SLC17A6: variants seen among roughly 807,000 people sequenced by gnomAD.
The protein encoded by SLC17A6 is vesicular glutamate transporter 2.
In SLC17A6, 35 loss-of-function variants were observed where a neutral mutation model predicts 67.1. That is an observed-to-expected ratio of 0.52 (90% CI 0.40 to 0.69). SLC17A6 has a LOEUF of 0.69. Ranked by LOEUF, SLC17A6 falls within the 30% of genes least tolerant of loss-of-function variation. The probability of loss-of-function intolerance (pLI) is 0.00; values close to 1 mark genes in which losing one functional copy is unlikely to be tolerated. For synonymous variants in SLC17A6, 285 were observed against 252.3 expected (o/e 1.13, Z -1.23); for missense variants, 588 against 723.9 (o/e 0.81, Z 2.15).
chr11:22,357,570 T>G (rs1225382232), intron 3 of SLC17A6, among the ~76,000 whole-genome samples: 1 of 152,148 alleles, frequency 6.6e-6, no homozygotes, highest in African/African-American at 2.4e-5. Flanking sequence ...ACGCCCAAAT[T>G]TCAATCATGA....
intron 7 of SLC17A6, among the ~76,000 whole-genome samples, chr11:22,367,281 TAAAA>T (rs748609871): frequency 3.5e-5 from 5 of 143,186 alleles, no homozygotes; most frequent in Middle Eastern, 3.6e-3. Context: ...CATCATAGGT[TAAAA>T]AAAAAAAAAG....
At chr11:22,362,421 A>G (rs898565383) in intron 5 of SLC17A6, 1 of 394,398 alleles carries the variant, frequency 2.5e-6, no homozygotes, top group South Asian at 2.6e-5. Context: ...TAGTATTGCC[A>G]TACTCTGTCC....
chr11:22,348,620 G>C (rs1855904417), intron 3 of SLC17A6, among the ~76,000 whole-genome samples: 1 of 152,206 alleles, frequency 6.6e-6, no homozygotes, highest in South Asian at 2.1e-4. Context: ...ACTGGGTGTA[G>C]ATTAGACTTT....
chr11:22,345,907 T>C (rs2133860530), intron 3 of SLC17A6, among the ~76,000 whole-genome samples: 1 of 152,300 alleles, frequency 6.6e-6, no homozygotes, highest in South Asian at 2.1e-4. Flanking sequence ...GTACTACAAA[T>C]GCTACATAGA....
intron 7 of SLC17A6, among the ~76,000 whole-genome samples, chr11:22,369,560 G>A (rs1564986054): frequency 6.6e-6 from 1 of 151,802 alleles, no homozygotes; most frequent in Non-Finnish European, 1.5e-5. Flanking sequence ...TTGACTTCAG[G>A]TAGGGTCTAG....
chr11:22,363,988 T>C lies in SLC17A6; in HGVS notation c.748+1163T>C, dbSNP rs562643791. Reference sequence around the variant, plus strand: ...AAGATATGTGACCTTAAAGTAAGAATACAAATTTAAACAAGGCACTCATAA... The same window carrying C: ...AAGATATGTGACCTTAAAGTAAGAACACAAATTTAAACAAGGCACTCATAA... On this transcript the variant is annotated intron_variant, in intron 6 of 11. Transcript: ENST00000263160. Among the ~76,000 whole-genome samples the C allele has an allele frequency of 3.9e-5, 6 of 152,262 alleles. No individual in the cohort carries two copies. The East Asian group carries it at 1.2e-3, about 29-fold the overall frequency.
At chr11:22,339,124 T>C (rs1480169064) in intron 1 of SLC17A6, among the ~76,000 whole-genome samples, 1 of 54,062 alleles carries the variant, frequency 1.8e-5, no homozygotes, top group Non-Finnish European at 3.3e-5. Flanking sequence ...ATGTTATATA[T>C]ATATGTTATA....
chr11:22,360,503 G>A (rs993153149), intron 4 of SLC17A6, among the ~76,000 whole-genome samples: 13 of 146,702 alleles, frequency 8.9e-5, no homozygotes, highest in Admixed American at 2.8e-4. Flanking sequence ...AATAAAAAAC[G>A]AAACCAAAAA....
chr11:22,342,793 C>T, intron 2 of SLC17A6: 1 of 349,054 alleles, frequency 2.9e-6, no homozygotes, highest in Admixed American at 3.6e-5. Context: ...ACCATTTGCT[C>T]CCCACCTTCC....
At chr11:22,342,002 A>G (rs1348259443) in intron 2 of SLC17A6, among the ~76,000 whole-genome samples, 5 of 152,226 alleles carry the variant, frequency 3.3e-5, no homozygotes, top group African/African-American at 1.2e-4. Context: ...CAAAGTGGAA[A>G]AGAGGGTCTA....
chr11:22,375,949 T>G (rs1856227915), intron 9 of SLC17A6, 33 bp from the exon 10 acceptor site: 1 of 1,539,838 alleles, frequency 6.5e-7, no homozygotes, highest in African/African-American at 1.4e-5. Context: ...TTTCAAAAAT[T>G]TCTGAAGAAT....
chr11:22,347,369 C>T (rs556357493), intron 3 of SLC17A6, among the ~76,000 whole-genome samples: 23 of 152,130 alleles, frequency 1.5e-4, no homozygotes, highest in Middle Eastern at 3.4e-3. Context: ...GTTTGTATTT[C>T]TGTAAAGGAG....
At chr11:22,348,436 A>G (rs1240609967) in intron 3 of SLC17A6, among the ~76,000 whole-genome samples, 16 of 152,206 alleles carry the variant, frequency 1.1e-4, no homozygotes, top group Admixed American at 1.0e-3. Flanking sequence ...TTTGGTGACA[A>G]CATAGCTGAT....
rs1411561729 is a variant in SLC17A6 at position 22,341,445 on chromosome 11, C to A, written c.87-83C>A. ...TCGACGGCCCTCCTCCCAACCCCGA[C>A]GGGTCCTGAAAAATGGGAATGGGTC... On this transcript the variant is annotated intron_variant, in intron 1 of 11. Coordinates refer to ENST00000263160, the MANE Select transcript of SLC17A6 (RefSeq NM_020346.3). The A allele has an allele frequency of 5.2e-6, 8 of 1,542,766 alleles. No homozygotes were observed. The East Asian group carries it at 9.1e-5, about 17-fold the overall frequency.
At position 22,362,808 on chromosome 11, in the gene SLC17A6, C is replaced by T. The variant is rs267602826; in HGVS notation, c.731C>T (p.Ser244Leu). The change falls in exon 6 of 12, where the codon TCA becomes TTA. Residue 244 changes from serine to leucine, a missense_variant. By Grantham distance (145) the Ser-to-Leu change is moderately radical. This residue lies in a region of SLC17A6 where 414 missense variants were observed against 563.4 expected (regional missense o/e 0.73). Transcript: ENST00000263160. ...CTTGTGCAGTACACTGGCTGGTCTT[C>T]AGTGTTTTATGTCTACGGTATGTTA... The part of the protein sequence containing the change: ...GILVQYTGWS[S>L]VFYVYGSFGM... The T allele has an allele frequency of 6.2e-7, 1 of 1,613,532 alleles. No homozygotes were observed. Among genetic ancestry groups the T allele is most frequent in the Non-Finnish European group, 8.5e-7 (1 of 1,179,570 alleles).
intron 3 of SLC17A6, among the ~76,000 whole-genome samples, chr11:22,354,821 C>T (rs1162636611): frequency 6.6e-6 from 1 of 152,164 alleles, no homozygotes; most frequent in Non-Finnish European, 1.5e-5. Flanking sequence ...GCAGTAAGAG[C>T]TTTCTAATAT....
intron 1 of SLC17A6, among the ~76,000 whole-genome samples, chr11:22,340,060 G>A (rs1855797734): frequency 6.6e-6 from 1 of 152,086 alleles, no homozygotes; most frequent in African/African-American, 2.4e-5. Context: ...TATAGAATTC[G>A]GAAGCCTGAC....
chr11:22,370,176 T>A lies in SLC17A6; in HGVS notation c.1029T>A (p.Phe343Leu). 1 of 1,605,788 alleles carries A rather than the reference T, an allele frequency of 6.2e-7. No homozygotes were observed. Among genetic ancestry groups the A allele is most frequent in the Non-Finnish European group, 8.5e-7 (1 of 1,177,198 alleles). ...QPAYFEEVFGFEISKVGMLSA... is the reference protein window; with the variant it reads ...QPAYFEEVFGLEISKVGMLSA... ...CATATTTTGAGGAAGTCTTTGGATT[T>A]GAAATTAGCAAGGTATGTAAAATGT... The change falls in exon 8 of 12, where the codon TTT becomes TTA. Residue 343 changes from phenylalanine to leucine, a missense_variant. Transcript: ENST00000263160.
chr11:22,345,130 CG>C (rs1855862349), intron 3 of SLC17A6, among the ~76,000 whole-genome samples: 1 of 150,716 alleles, frequency 6.6e-6, no homozygotes, highest in Admixed American at 6.6e-5. Flanking sequence ...ATTTTCCTGC[CG>C]GGAAAAAACA....
Sources: gnomAD v4.1 joint callset for allele counts (sites outside exome capture counted in the v4.1 genomes callset) on GRCh38, gnomAD v4.1.1 for gene constraint, gnomAD v4.1.1 regional missense constraint, MANE v1.5 for transcripts, NCBI Gene and HGNC (gene_info 2026-07-23, HGNC 2026-07-21) for gene names.